SMPD3: variants seen among roughly 807,000 people sequenced by gnomAD.
SMPD3 encodes the protein sphingomyelin phosphodiesterase 3.
In SMPD3, 21 loss-of-function variants were observed where a neutral mutation model predicts 55.7. That is an observed-to-expected ratio of 0.38 (90% confidence interval 0.27 to 0.54). The LOEUF (loss-of-function observed/expected upper bound fraction) is 0.54, where lower values mean the gene tolerates loss of function less well. Among genes scored for constraint, SMPD3 ranks in the 20% least tolerant of loss-of-function variants. The pLI is 0.80. For missense variants in SMPD3, 842 were observed against 899.6 expected (o/e 0.94, Z 0.82); for synonymous variants, 457 against 404.3 (o/e 1.13, Z -1.56).
intron 1 of SMPD3, among the ~76,000 whole-genome samples, chr16:68,439,768 G>T (rs1412667309): frequency 6.6e-6 from 1 of 152,216 alleles, no homozygotes; most frequent in African/African-American, 2.4e-5. Context: ...GTTGAGAACA[G>T]CAACAATATG....
At chr16:68,444,003 T>G (rs2090588491) in intron 1 of SMPD3, among the ~76,000 whole-genome samples, 1 of 152,160 alleles carries the variant, frequency 6.6e-6, no homozygotes, top group Admixed American at 6.5e-5. Context: ...TTAAATACAT[T>G]CTTACATGTG....
chr16:68,407,780 C>T (rs968478801), intron 1 of SMPD3, among the ~76,000 whole-genome samples: 12 of 152,254 alleles, frequency 7.9e-5, no homozygotes, highest in African/African-American at 2.6e-4. Flanking sequence ...TGTGCGAACT[C>T]TTAACTTGCT....
intron 1 of SMPD3, among the ~76,000 whole-genome samples, chr16:68,446,164 C>A (rs2090607826): frequency 6.6e-6 from 1 of 152,154 alleles, no homozygotes; most frequent in Non-Finnish European, 1.5e-5. Flanking sequence ...GGGCAGAATT[C>A]TGGTCTTTGG....
At chr16:68,369,402 G>A (rs1328480975) in intron 3 of SMPD3, 1 of 151,992 alleles carries the variant, frequency 6.6e-6, no homozygotes, top group Non-Finnish European at 1.5e-5. Context: ...CCACAGAGGA[G>A]GGAGGTGGGG....
At position 68,428,151 on chromosome 16, in the gene SMPD3, T is replaced by C. The variant is rs191029994; in HGVS notation, c.-269+20202A>G. On this transcript the variant is annotated intron_variant, in intron 1 of 8. Coordinates refer to ENST00000219334, the MANE Select transcript of SMPD3 (RefSeq NM_018667.4). ...CCTTGGAGCAGGGAAGTAAACATCA[T>C]GGAGACAAACTCACTTGACTTCACT... 7.2e-4 allele frequency among the ~76,000 whole-genome samples: 109 copies of C among 152,286 alleles called. 2 individuals are homozygous for C. The highest frequency in any genetic ancestry group is 5.4e-3 in the Admixed American group (82 of 15,296).
chr16:68,396,660 TA>T (rs10710814), intron 1 of SMPD3, among the ~76,000 whole-genome samples: 87,547 of 151,928 alleles, frequency 0.58, 26,100 homozygotes, highest in East Asian at 0.85. Flanking sequence ...GTGGAATCAA[TA>T]AAGTGATTTC....
chr16:68,367,456 C>G (rs968702989), intron 3 of SMPD3: 3 of 114,054 alleles, frequency 2.6e-5, no homozygotes, highest in Non-Finnish European at 5.5e-5. Context: ...GTGCGCTGCT[C>G]TGCGCTGCTT....
At chr16:68,393,319 G>C (rs1029907611) in intron 1 of SMPD3, among the ~76,000 whole-genome samples, 4 of 152,078 alleles carry the variant, frequency 2.6e-5, no homozygotes, top group Non-Finnish European at 2.9e-5. Context: ...CCAGGGAATC[G>C]CTTGAACCCA....
intron 1 of SMPD3, among the ~76,000 whole-genome samples, chr16:68,424,702 A>T (rs2090422478): frequency 6.6e-6 from 1 of 151,970 alleles, no homozygotes; most frequent in Non-Finnish European, 1.5e-5. Flanking sequence ...TCTATTATAA[A>T]CCAGAAGAAT....
chr16:68,387,707 G>A (rs750631183), intron 1 of SMPD3, among the ~76,000 whole-genome samples: 3 of 152,198 alleles, frequency 2.0e-5, no homozygotes, highest in Non-Finnish European at 2.9e-5. Context: ...TCTTAAGCCC[G>A]TCCCATGGCC....
chr16:68,420,242 C>T lies in SMPD3; in HGVS notation c.-269+28111G>A, dbSNP rs113584157. The stretch of plus-strand genomic sequence containing the variant: ...ATACGTGTGAGCCACCATGCCCGGC[C>T]ATTATTCTTATTACTAATATCATTA... On this transcript the variant is annotated intron_variant, in intron 1 of 8. Transcript: ENST00000219334. 2.0e-3 allele frequency among the ~76,000 whole-genome samples: 312 copies of T among 152,216 alleles called. 1 individual carries two copies. The highest frequency in any genetic ancestry group is 6.8e-3 in the African/African-American group (283 of 41,518).
At chr16:68,419,959 TGTA>T (rs2090376377) in intron 1 of SMPD3, among the ~76,000 whole-genome samples, 1 of 149,988 alleles carries the variant, frequency 6.7e-6, no homozygotes, top group Admixed American at 6.7e-5. Flanking sequence ...TATTGGAACA[TGTA>T]GTATCCCGAA....
intron 1 of SMPD3, among the ~76,000 whole-genome samples, chr16:68,391,420 A>G (rs1396336444): frequency 6.6e-6 from 1 of 152,250 alleles, no homozygotes; most frequent in Non-Finnish European, 1.5e-5. Context: ...ACACTTGGAA[A>G]GACTGTGCAC....
chr16:68,394,865 G>GGCCTC (rs1350214468), intron 1 of SMPD3, among the ~76,000 whole-genome samples: 38 of 152,338 alleles, frequency 2.5e-4, no homozygotes, highest in African/African-American at 9.1e-4. Context: ...TGAGTGAGGT[G>GGCCTC]AAATCTCATT....
chr16:68,436,420 C>G (rs905028001), intron 1 of SMPD3, among the ~76,000 whole-genome samples: 2 of 152,154 alleles, frequency 1.3e-5, no homozygotes, highest in Non-Finnish European at 2.9e-5. Flanking sequence ...GCTTCCAGTG[C>G]TCTCTGCTCC....
At chr16:68,410,443 C>T (rs1180788003) in intron 1 of SMPD3, among the ~76,000 whole-genome samples, 1 of 152,138 alleles carries the variant, frequency 6.6e-6, no homozygotes, top group Non-Finnish European at 1.5e-5. Flanking sequence ...GGCATCAGCA[C>T]TGTCACCCCC....
intron 1 of SMPD3, among the ~76,000 whole-genome samples, chr16:68,436,936 G>C (rs951623041): frequency 2.6e-5 from 4 of 152,322 alleles, no homozygotes; most frequent in African/African-American, 9.6e-5. Flanking sequence ...TACCAGGTCT[G>C]CTTAGACCTG....
intron 2 of SMPD3, among the ~76,000 whole-genome samples, chr16:68,380,736 A>G (rs139668605): frequency 0.01 from 1,528 of 152,376 alleles, 26 homozygotes; most frequent in African/African-American, 0.034. Context: ...TCATGAGCCT[A>G]ACAAGGCTTG....
At chr16:68,437,013 C>A (rs991663097) in intron 1 of SMPD3, among the ~76,000 whole-genome samples, 1 of 152,210 alleles carries the variant, frequency 6.6e-6, no homozygotes, top group African/African-American at 2.4e-5. Context: ...TACATTAATT[C>A]CAGAGGCGTG....
Sources: allele counts gnomAD v4.1 joint callset (sites outside exome capture counted in the v4.1 genomes callset), GRCh38; gene constraint gnomAD v4.1.1; transcripts MANE v1.5; gene names NCBI Gene and HGNC (gene_info 2026-07-23, HGNC 2026-07-21).